Variants in IFNGR1 observed in about 807,000 individuals in gnomAD.
The protein encoded by IFNGR1 is AVP, type 2.
Under a neutral mutation model 35.4 loss-of-function variants are expected in IFNGR1, and 23 were observed. The ratio of observed to expected loss-of-function variants is 0.65; its 90% CI spans 0.47 to 0.92. The LOEUF is 0.92. Among genes scored for constraint, IFNGR1 ranks in the 40% least tolerant of loss-of-function variants. The pLI, the probability that IFNGR1 is intolerant of heterozygous loss-of-function variation, is 0.00. For synonymous variants in IFNGR1, 199 were observed against 209.5 expected, an observed-to-expected ratio of 0.95 and a Z score of 0.43; for missense variants, 533 against 583.4, an observed-to-expected ratio of 0.91 and a Z score of 0.89.
intron 1 of IFNGR1, chr6:137,209,821 C>G: frequency 2.5e-6 from 1 of 398,752 alleles, no homozygotes; most frequent in Non-Finnish European, 4.4e-6. Flanking sequence ...ATGCCTTCCA[C>G]ACTTTTTCTA....
At chr6:137,213,100 TTGTAA>T (rs1779612953) in intron 1 of IFNGR1, among the ~76,000 whole-genome samples, 1 of 152,222 alleles carries the variant, frequency 6.6e-6, no homozygotes, top group African/African-American at 2.4e-5. Flanking sequence ...CTTCAGAATT[TTGTAA>T]TGTGAGGTTT....
At chr6:137,209,519 C>G (rs763941263) in intron 1 of IFNGR1, among the ~76,000 whole-genome samples, 1 of 152,106 alleles carries the variant, frequency 6.6e-6, no homozygotes. Flanking sequence ...GTAAGTCTCA[C>G]GAGATCTGAT....
intron 1 of IFNGR1, chr6:137,215,448 G>T: frequency 2.1e-6 from 2 of 956,724 alleles, no homozygotes; most frequent in Non-Finnish European, 3.0e-6. Flanking sequence ...CAGATACCTA[G>T]TATTCTGATT....
At chr6:137,218,918 C>A in intron 1 of IFNGR1, 1 of 458,144 alleles carries the variant, frequency 2.2e-6, no homozygotes, top group Non-Finnish European at 4.0e-6. Flanking sequence ...TCTTTGAGAC[C>A]ACGCTGTCCC....
chr6:137,206,348 TATTA>T (rs1353231059), intron 2 of IFNGR1, 40 bp from the exon 3 acceptor site: 1 of 1,472,484 alleles, frequency 6.8e-7, no homozygotes, highest in Non-Finnish European at 9.5e-7. Flanking sequence ...CTTTTATTGT[TATTA>T]AATAAACTCA....
Position 137,198,039 on chromosome 6 carries a change from A to ATTCT in IFNGR1, c.1458_1461dup (p.Phe488ArgfsTer13). Reference sequence around the variant, plus strand: ...GTGCAACTTAGCTGATCTCATGAAAATTCTTTGGAATCTTCTGTTGGTCTA... The same window carrying ATTCT: ...GTGCAACTTAGCTGATCTCATGAAAATTCTTTCTTTGGAATCTTCTGTTGGTCTA... On this transcript the variant is annotated frameshift_variant, in exon 7 of 7. Transcript: ENST00000367739. LOFTEE classifies it high-confidence loss of function. 6.2e-7 allele frequency: 1 copy of ATTCT among 1,614,098 alleles called. No individual in the cohort carries two copies. Among genetic ancestry groups the ATTCT allele is most frequent in the Non-Finnish European group, 8.5e-7 (1 of 1,180,006 alleles).
intron 1 of IFNGR1, chr6:137,218,595 C>CA: frequency 1.2e-6 from 1 of 837,636 alleles, no homozygotes; most frequent in African/African-American, 2.2e-5. Flanking sequence ...TGAGTCCCCC[C>CA]CCCCACCCCC....
At chr6:137,201,606 G>C (rs903279104) in intron 5 of IFNGR1, among the ~76,000 whole-genome samples, 6 of 152,210 alleles carry the variant, frequency 3.9e-5, no homozygotes, top group Admixed American at 3.3e-4. Flanking sequence ...CTGGGAAGTG[G>C]AGGTAGCAGT....
intron 1 of IFNGR1, among the ~76,000 whole-genome samples, chr6:137,214,570 G>A (rs1465695567): frequency 1.3e-5 from 2 of 151,974 alleles, no homozygotes; most frequent in Admixed American, 1.3e-4. Context: ...TTTTTCCCTC[G>A]CACCACCACC....
At chr6:137,213,453 T>A (rs1779620501) in intron 1 of IFNGR1, among the ~76,000 whole-genome samples, 2 of 152,190 alleles carry the variant, frequency 1.3e-5, no homozygotes. Flanking sequence ...GCTGATAATT[T>A]AAGAAAACTA....
intron 6 of IFNGR1, 101 bp from the exon 7 acceptor site, chr6:137,198,740 AT>A: frequency 1.2e-6 from 1 of 839,608 alleles, no homozygotes; most frequent in Non-Finnish European, 2.0e-6. Context: ...CAAATGGCAC[AT>A]TTAGGATAAT....
chr6:137,213,652 C>T (rs1046304193), intron 1 of IFNGR1, among the ~76,000 whole-genome samples: 1 of 152,172 alleles, frequency 6.6e-6, no homozygotes, highest in Non-Finnish European at 1.5e-5. Flanking sequence ...GTGCTATCGA[C>T]GGGACCATAA....
At chr6:137,214,810 T>C (rs1339632365) in intron 1 of IFNGR1, among the ~76,000 whole-genome samples, 2 of 152,192 alleles carry the variant, frequency 1.3e-5, no homozygotes, top group African/African-American at 2.4e-5. Context: ...GAAAAAACAA[T>C]GCAGGCCTTT....
intron 3 of IFNGR1, among the ~76,000 whole-genome samples, chr6:137,205,322 G>A (rs1477729190): frequency 6.6e-6 from 1 of 152,190 alleles, no homozygotes; most frequent in African/African-American, 2.4e-5. Flanking sequence ...GACTAGGGAG[G>A]AGTCAAGTGA....
chr6:137,201,703 AAG>A (rs1041547826), intron 5 of IFNGR1, among the ~76,000 whole-genome samples: 28 of 152,194 alleles, frequency 1.8e-4, no homozygotes, highest in Admixed American at 2.6e-4. Flanking sequence ...AAAAAAAAGA[AAG>A]AAATTCTGGC....
chr6:137,216,442 T>C (rs1779698755), intron 1 of IFNGR1, among the ~76,000 whole-genome samples: 1 of 152,224 alleles, frequency 6.6e-6, no homozygotes, highest in South Asian at 2.1e-4. Context: ...ACAGATTTTA[T>C]TTTCACTTAA....
chr6:137,199,284 A>G (rs906141828), intron 6 of IFNGR1, among the ~76,000 whole-genome samples: 5 of 135,564 alleles, frequency 3.7e-5, no homozygotes, highest in African/African-American at 1.4e-4. Flanking sequence ...TTATATATAT[A>G]TATATGAAAA....
chr6:137,203,351 T>G (rs1582633929), intron 5 of IFNGR1, 148 bp downstream of exon 5: 2 of 636,688 alleles, frequency 3.1e-6, no homozygotes, highest in East Asian at 5.5e-5. Flanking sequence ...TTATTTTTAA[T>G]TTTGAACTTC....
At position 137,206,949 on chromosome 6, in the gene IFNGR1, AG is replaced by A; in HGVS notation, c.200+13del. The A allele has an allele frequency of 1.9e-6, 3 of 1,568,052 alleles. No homozygotes were observed. Among genetic ancestry groups the A allele is most frequent in the Non-Finnish European group, 2.6e-6 (3 of 1,138,322 alleles). ...AAATGGAATAAAAAGGATAAATAAA[AG>A]AGTGACACTCACCCATAGTTCTTTA... is the stretch of plus-strand genomic sequence containing the variant. On this transcript the variant is annotated intron_variant, in intron 2 of 6. Coordinates refer to ENST00000367739, the MANE Select transcript of IFNGR1 (RefSeq NM_000416.3).
Sources: gnomAD v4.1 joint callset for allele counts (sites outside exome capture counted in the v4.1 genomes callset) on GRCh38, gnomAD v4.1.1 for gene constraint, MANE v1.5 for transcripts, NCBI Gene and HGNC (gene_info 2026-07-23, HGNC 2026-07-21) for gene names.